HSPA5: variants seen among roughly 807,000 people sequenced by gnomAD.
HSPA5 encodes heat shock protein family A (Hsp70) member 5.
A neutral mutation model predicts 49.5 loss-of-function variants in HSPA5; 16 were observed. The observed-to-expected ratio is 0.32, with a 90% CI of 0.22 to 0.49. The LOEUF is 0.49. Ranked by LOEUF, HSPA5 falls within the 20% of genes least tolerant of loss-of-function variation. The pLI is 0.99. For synonymous variants in HSPA5, 271 were observed against 307.2 expected (o/e 0.88, Z 1.23); for missense variants, 376 against 819.0 (o/e 0.46, Z 6.60).
rs1198963796 is a variant in HSPA5 at position 125,236,038 on chromosome 9, A to T, written c.*554T>A. The T allele has an allele frequency of 6.6e-6, 1 of 151,142 alleles. No individual in the cohort carries two copies. Among genetic ancestry groups the T allele is most frequent in the Non-Finnish European group, 1.5e-5 (1 of 67,958 alleles). The allele number at this position is 151,142 out of a possible 1,614,324, so 9.4% of individuals were successfully genotyped here. A position where few individuals can be genotyped will look rare whatever the true frequency, so the allele number is the denominator to read the frequency against. On this transcript the variant is annotated 3_prime_UTR_variant, in exon 8 of 8. Coordinates refer to ENST00000324460, the MANE Select transcript of HSPA5 (RefSeq NM_005347.5). ...TGGTAACAAGCCTGTGGTCTCAATT[A>T]GCTGGGAGACTGAGGTGGAAGGATC...
In HSPA5 at chr9:125,240,829, G is replaced by A. The variant is rs541239806; in HGVS notation, c.201C>T (p.Ala67=). ...QGNRITPSYV[A]FTPEGERLIG... is the part of the protein sequence containing the mutation. ...TCAGACGTTCCCCTTCAGGAGTGAA[G>A]GCGACATAGGACGGCGTGATGCGGT... Residue 67 remains alanine (A), a synonymous_variant, in exon 2 of 8, where the codon GCC becomes GCT. Transcript: ENST00000324460. The surrounding 1 kb of genome is among the most constrained non-coding windows in gnomAD (Gnocchi z 4.4). 3 of 1,614,262 alleles carry A rather than the reference G, an allele frequency of 1.9e-6. No individual in the cohort carries two copies. The highest frequency in any genetic ancestry group is 1.7e-5 in the Admixed American group (1 of 60,028).
At position 125,238,583 on chromosome 9, in the gene HSPA5, G is replaced by C. The variant is rs369994895; in HGVS notation, c.1234+7C>G. On this transcript the variant is annotated splice_region_variant and intron_variant, in intron 6 of 7. Transcript: ENST00000324460. ...TCACTAAGAAAGATGCTGCGATGAT[G>C]ACCTACCTGTATCTTGATCACCAGA... The C allele has an allele frequency of 5.6e-5, 90 of 1,598,400 alleles. No individual in the cohort carries two copies. Among genetic ancestry groups the C allele is most frequent in the Non-Finnish European group, 7.4e-5 (86 of 1,166,422 alleles).
Position 125,238,836 on chromosome 9 carries a change from A to C in HSPA5, c.997-9T>G. Reference sequence around the variant, plus strand: ...GTAGACCGGAACAGATCCTAGAAAAAAGACATGGTTACTGTGATGTCTGTT... The same window carrying C: ...GTAGACCGGAACAGATCCTAGAAAACAGACATGGTTACTGTGATGTCTGTT... On this transcript the variant is annotated splice_polypyrimidine_tract_variant and intron_variant, in intron 5 of 7. Coordinates refer to ENST00000324460, the MANE Select transcript of HSPA5 (RefSeq NM_005347.5). The C allele has an allele frequency of 6.8e-6, 11 of 1,612,820 alleles. No homozygotes were observed. The highest frequency in any genetic ancestry group is 1.1e-5 in the South Asian group (1 of 91,058).
rs570401386 is a variant in HSPA5 at position 125,237,251 on chromosome 9, T to C, written c.1403-97A>G. The C allele has an allele frequency of 1.2e-5, 11 of 931,240 alleles. No individual in the cohort carries two copies. The East Asian group carries it at 1.3e-4, about 11-fold the overall frequency. 57.7% of individuals were successfully genotyped at this position (931,240 alleles called of 1,614,324 possible). A position where few individuals can be genotyped will look rare whatever the true frequency, so the allele number is the denominator to read the frequency against. ...CAGTCTGAAGCATAAAGTGACACTTTTGGTTTTATCGAGCTAAAAGTAATT... is the reference window on the plus strand; with the variant it reads ...CAGTCTGAAGCATAAAGTGACACTTCTGGTTTTATCGAGCTAAAAGTAATT... On this transcript the variant is annotated intron_variant, in intron 7 of 7. Coordinates refer to ENST00000324460, the MANE Select transcript of HSPA5 (RefSeq NM_005347.5).
Position 125,236,093 on chromosome 9 carries a change from A to AG in HSPA5, c.*498_*499insC. The AG allele has an allele frequency of 6.6e-6, 1 of 151,706 alleles. No individual in the cohort carries two copies. Among genetic ancestry groups the AG allele is most frequent in the East Asian group, 1.9e-4 (1 of 5,178 alleles). 9.4% of individuals were successfully genotyped at this position (151,706 alleles called of 1,614,324 possible). The stretch of plus-strand genomic sequence containing the variant: ...GGGCCCAGGAGGGTTAAAAAAAAAA[A>AG]AAAAAATCCCTGGAAGCATTAAATA... On this transcript the variant is annotated 3_prime_UTR_variant, in exon 8 of 8. Transcript: ENST00000324460.
rs538795939 is a variant in HSPA5 at position 125,240,058 on chromosome 9, G to A, written c.492+114C>T. The A allele has an allele frequency of 1.8e-4, 128 of 695,934 alleles. 1 individual carries two copies. In the South Asian group the frequency reaches 2.7e-3, roughly 15 times the overall value. The allele number at this position is 695,934 out of a possible 1,614,324, so 43.1% of individuals were successfully genotyped here. On this transcript the variant is annotated intron_variant, in intron 3 of 7. Transcript: ENST00000324460. The surrounding 1 kb of genome is among the most constrained non-coding windows in gnomAD (Gnocchi z 4.4). ...CTCAATAATTAAACCTGACAAGCAT[G>A]AATACCATTCTGATTAAAATTTTTG...
At position 125,236,328 on chromosome 9, in the gene HSPA5, A is replaced by G; in HGVS notation, c.*264T>C. The G allele has an allele frequency of 2.5e-6, 1 of 396,646 alleles. No individual in the cohort carries two copies. Among genetic ancestry groups the G allele is most frequent in the Non-Finnish European group, 4.5e-6 (1 of 223,960 alleles). The allele number at this position is 396,646 out of a possible 1,614,324, so 24.6% of individuals were successfully genotyped here. A position where few individuals can be genotyped will look rare whatever the true frequency, so the allele number is the denominator to read the frequency against. ...TGCACATGACCCAGTTGTTAAATAG[A>G]ACATTTTGAAGGTGAACACACACCC... On this transcript the variant is annotated 3_prime_UTR_variant, in exon 8 of 8. Transcript: ENST00000324460.
rs1832543141 is a variant in HSPA5, at chr9:125,239,917, C to G, written c.492+255G>C. 6.6e-6 allele frequency among the ~76,000 whole-genome samples: 1 copy of G among 151,748 alleles called. No individual in the cohort carries two copies. The highest frequency in any genetic ancestry group is 1.5e-5 in the Non-Finnish European group (1 of 67,934). ...AAAAAAAATTACAGTCAAACCATCA[C>G]TTTAGTTTTTAAGCCAACTTATTGA... is the stretch of plus-strand genomic sequence containing the variant. On this transcript the variant is annotated intron_variant, in intron 3 of 7. Coordinates refer to ENST00000324460, the MANE Select transcript of HSPA5 (RefSeq NM_005347.5). This position sits in a 1 kb window ranked among gnomAD's most constrained non-coding sequence, Gnocchi z 5.5.
At position 125,239,382 on chromosome 9, in the gene HSPA5, A is replaced by C. The variant is rs764047193; in HGVS notation, c.605+39T>G. 2.5e-6 allele frequency: 4 copies of C among 1,613,652 alleles called. No homozygotes were observed. The African/African-American group carries it at 5.3e-5, about 22-fold the overall frequency. ...TTTGTCAGTACTTCACATTTCCACT[A>C]TTTGGCAAATATGCCGTATCCCTGA... On this transcript the variant is annotated intron_variant, in intron 4 of 7. Transcript: ENST00000324460. This position sits in a 1 kb window ranked among gnomAD's most constrained non-coding sequence, Gnocchi z 5.5.
In HSPA5 at chr9:125,239,952, CAT is replaced by C. The variant is rs1432217045; in HGVS notation, c.492+218_492+219del. Among the ~76,000 whole-genome samples the C allele has an allele frequency of 4.6e-5, 7 of 151,686 alleles. No homozygotes were observed. The highest frequency in any genetic ancestry group is 1.0e-4 in the Non-Finnish European group (7 of 67,932). On this transcript the variant is annotated intron_variant, in intron 3 of 7. Coordinates refer to ENST00000324460, the MANE Select transcript of HSPA5 (RefSeq NM_005347.5). The surrounding 1 kb of genome is among the most constrained non-coding windows in gnomAD (Gnocchi z 5.5). The stretch of plus-strand genomic sequence containing the variant: ...TAAGCCAACTTATTGATGAATACAA[CAT>C]ATAAAATTTTATGTCCCTGGAATTG...
chr9:125,240,507 C>T lies in HSPA5; in HGVS notation c.354+169G>A, dbSNP rs1588431565. On this transcript the variant is annotated intron_variant, in intron 2 of 7. Transcript: ENST00000324460. This position sits in a 1 kb window ranked among gnomAD's most constrained non-coding sequence, Gnocchi z 4.4. The stretch of plus-strand genomic sequence containing the variant: ...TATTCCTAAACTATCGTAGACAGTA[C>T]GACAGCAACTGTCTTAAGTTTTGTA... Among the ~76,000 whole-genome samples the T allele has an allele frequency of 6.6e-6, 1 of 152,180 alleles. No homozygotes were observed.
chr9:125,239,925 T>C lies in HSPA5; in HGVS notation c.492+247A>G, dbSNP rs1832543187. On this transcript the variant is annotated intron_variant, in intron 3 of 7. Coordinates refer to ENST00000324460, the MANE Select transcript of HSPA5 (RefSeq NM_005347.5). This position sits in a 1 kb window ranked among gnomAD's most constrained non-coding sequence, Gnocchi z 5.5. ...TTACAGTCAAACCATCACTTTAGTT[T>C]TTAAGCCAACTTATTGATGAATACA... is the stretch of plus-strand genomic sequence containing the variant. Among the ~76,000 whole-genome samples, 1 of 152,112 alleles carries C rather than the reference T, an allele frequency of 6.6e-6. No homozygotes were observed.
rs1165663177 is a variant in HSPA5, at chr9:125,240,129, CTAA to C, written c.492+40_492+42del. 1 of 1,519,910 alleles carries C rather than the reference CTAA, an allele frequency of 6.6e-7. No individual in the cohort carries two copies. Among genetic ancestry groups the C allele is most frequent in the African/African-American group, 1.4e-5 (1 of 71,470 alleles). 94.2% of individuals were successfully genotyped at this position (1,519,910 alleles called of 1,614,324 possible). On this transcript the variant is annotated intron_variant, in intron 3 of 7. Transcript: ENST00000324460. This position sits in a 1 kb window ranked among gnomAD's most constrained non-coding sequence, Gnocchi z 4.4. ...TATACATAACAGCCAACCGAGAATA[CTAA>C]TGATCAAAAAATACTTAACATTGTT...
chr9:125,241,312 G>A lies in HSPA5; in HGVS notation c.-186C>T, dbSNP rs34899577. 395 of 645,524 alleles carry A rather than the reference G, an allele frequency of 6.1e-4. 2 individuals carry two copies. Among genetic ancestry groups the A allele is most frequent in the African/African-American group, 5.7e-3 (311 of 54,760 alleles). 40.0% of individuals were successfully genotyped at this position (645,524 alleles called of 1,614,324 possible). A position where few individuals can be genotyped will look rare whatever the true frequency, so the allele number is the denominator to read the frequency against. On this transcript the variant is annotated 5_prime_UTR_variant, in exon 1 of 8. Transcript: ENST00000324460. ...TCACACTCGCGAAACACCCCAATAG[G>A]TCAATCTGTCTGTGCTGTCTTGGCC...
At position 125,238,609 on chromosome 9, in the gene HSPA5, G is replaced by A; in HGVS notation, c.1215C>T (p.Leu405=). Residue 405 remains leucine (L), a synonymous_variant, in exon 6 of 8, where the codon CTC becomes CTT. Transcript: ENST00000324460. The stretch of plus-strand genomic sequence containing the variant: ...ACCTACCTGTATCTTGATCACCAGA[G>A]AGCACACCAGCCTGGACAGCAGCAC... ...AYGAAVQAGV[L]SGDQDTGDLV... 6.2e-7 allele frequency: 1 copy of A among 1,613,652 alleles called. No homozygotes were observed. The highest frequency in any genetic ancestry group is 8.5e-7 in the Non-Finnish European group (1 of 1,179,686).
rs1449425959 is a variant in HSPA5 at position 125,236,074 on chromosome 9, A to C, written c.*518T>G. On this transcript the variant is annotated 3_prime_UTR_variant, in exon 8 of 8. Coordinates refer to ENST00000324460, the MANE Select transcript of HSPA5 (RefSeq NM_005347.5). ...TGAGGTGGAAGGATCACTTGGGCCC[A>C]GGAGGGTTAAAAAAAAAAAAAAAAA... 2 of 103,246 alleles carry C rather than the reference A, an allele frequency of 1.9e-5. No homozygotes were observed. Among genetic ancestry groups the C allele is most frequent in the African/African-American group, 4.9e-5 (1 of 20,564 alleles). The allele number at this position is 103,246 out of a possible 1,614,324, so 6.4% of individuals were successfully genotyped here.
rs1412488948 is a variant in HSPA5 at position 125,235,628 on chromosome 9, T to C, written c.*964A>G. 1 of 151,990 alleles carries C rather than the reference T, an allele frequency of 6.6e-6. No individual in the cohort carries two copies. Among genetic ancestry groups the C allele is most frequent in the Admixed American group, 6.6e-5 (1 of 15,210 alleles). 9.4% of individuals were successfully genotyped at this position (151,990 alleles called of 1,614,324 possible). On this transcript the variant is annotated 3_prime_UTR_variant, in exon 8 of 8. Coordinates refer to ENST00000324460, the MANE Select transcript of HSPA5 (RefSeq NM_005347.5). ...ACCCATTCATAGTGAGGGGATTTAG[T>C]GTAGTTTCAATGTCACCATCCAAGA...
chr9:125,238,518 C>G (rs951461708), intron 6 of HSPA5, 72 bp downstream of exon 6: 3 of 1,297,478 alleles, frequency 2.3e-6, no homozygotes, highest in African/African-American at 2.9e-5. Flanking sequence ...CTGGTATTTT[C>G]TAAAGCAATA....
Position 125,238,171 on chromosome 9 carries a change from G to A in HSPA5, c.1372C>T (p.Gln458Ter). The stretch of plus-strand genomic sequence containing the variant: ...TAGACCTTGATTGTAACAGTTGGTT[G>A]ATTATCAGAAGCTGTAGAAAAGATC... ...SQIFSTASDN[Q>*]PTVTIKVYEG... The change falls in exon 7 of 8, where the codon CAA (glutamine) becomes TAA (stop). Residue 458 changes from glutamine to a stop codon, truncating the protein, a stop_gained. Transcript: ENST00000324460. LOFTEE classifies it high-confidence loss of function. 1 of 1,613,818 alleles carries A rather than the reference G, an allele frequency of 6.2e-7. No individual in the cohort carries two copies. The highest frequency in any genetic ancestry group is 8.5e-7 in the Non-Finnish European group (1 of 1,179,832).
Sources: allele counts gnomAD v4.1 joint callset (sites outside exome capture counted in the v4.1 genomes callset), GRCh38; gene constraint gnomAD v4.1.1; non-coding constraint Gnocchi (gnomAD v3.1); transcripts MANE v1.5; gene names NCBI Gene and HGNC (gene_info 2026-07-23, HGNC 2026-07-21).